TBC1D12: variants seen among roughly 807,000 people sequenced by gnomAD.
TBC1D12 encodes TBC1 domain family, member 12.
TBC1D12 carries 56 observed loss-of-function variants against 86.7 expected under a neutral mutation model. The observed-to-expected ratio is 0.65, with a 90% CI of 0.52 to 0.81. The LOEUF is 0.81. TBC1D12 is among the 30% of genes least tolerant of loss of function. The probability of loss-of-function intolerance (pLI) is 0.00; values close to 1 mark genes in which losing one functional copy is unlikely to be tolerated. For missense variants in TBC1D12, 1,023 were observed against 1,038.8 expected (o/e 0.98, Z 0.21); for synonymous variants, 421 against 411.7 (o/e 1.02, Z -0.27).
chr10:94,515,483 G>A (rs2056580403), intron 9 of TBC1D12, among the ~76,000 whole-genome samples: 1 of 151,846 alleles, frequency 6.6e-6, no homozygotes, highest in Non-Finnish European at 1.5e-5. Context: ...AAGTAGCTGG[G>A]ATTACAGGCG....
chr10:94,434,882 C>G (rs780783456), intron 1 of TBC1D12, among the ~76,000 whole-genome samples: 1 of 152,098 alleles, frequency 6.6e-6, no homozygotes, highest in Non-Finnish European at 1.5e-5. Context: ...GAGAGTGGAA[C>G]CCTTATGACC....
chr10:94,518,782 A>G (rs1247466776), intron 9 of TBC1D12, among the ~76,000 whole-genome samples: 1 of 152,250 alleles, frequency 6.6e-6, no homozygotes, highest in African/African-American at 2.4e-5. Context: ...AAAAATATGC[A>G]TAATATTCCG....
intron 9 of TBC1D12, among the ~76,000 whole-genome samples, chr10:94,514,863 G>A (rs1022679493): frequency 6.9e-6 from 1 of 145,686 alleles, no homozygotes; most frequent in African/African-American, 2.5e-5. Flanking sequence ...TATAATAGCT[G>A]TACTAATTTA....
At chr10:94,530,651 C>T (rs1842397794) in intron 11 of TBC1D12, among the ~76,000 whole-genome samples, 1 of 152,078 alleles carries the variant, frequency 6.6e-6, no homozygotes, top group East Asian at 1.9e-4. Flanking sequence ...AGACAACTAT[C>T]CTGCTCAAGG....
chr10:94,493,502 T>C, intron 4 of TBC1D12, 55 bp downstream of exon 4: 2 of 1,234,960 alleles, frequency 1.6e-6, no homozygotes, highest in East Asian at 4.6e-5. Context: ...AGAAGATGGA[T>C]GGTAAAATTC....
intron 5 of TBC1D12, 115 bp downstream of exon 5, chr10:94,497,287 G>A (rs530044429): frequency 7.1e-5 from 35 of 490,724 alleles, no homozygotes; most frequent in African/African-American, 6.6e-4. Flanking sequence ...TGTGCACAAT[G>A]TGCAGGTTAG....
At position 94,522,022 on chromosome 10, in the gene TBC1D12, CA is replaced by C; in HGVS notation, c.1830del (p.Phe611LeufsTer5). The C allele has an allele frequency of 6.2e-7, 1 of 1,612,834 alleles. No homozygotes were observed. The highest frequency in any genetic ancestry group is 1.1e-5 in the South Asian group (1 of 90,880). On this transcript the variant is annotated frameshift_variant, in exon 10 of 13. Coordinates refer to ENST00000225235, the MANE Select transcript of TBC1D12 (RefSeq NM_015188.2). LOFTEE classifies it high-confidence loss of function. ...TTGGAAGAGGCAGATGCCTTTATCG[CA>C]TTTGCCAATCTCCTGAATAAGCCAT... The part of the protein sequence containing the change: ...LNLEEADAFI[A>X]FANLLNKPCQ...
At chr10:94,431,569 T>C (rs1027851818) in intron 1 of TBC1D12, among the ~76,000 whole-genome samples, 1 of 152,202 alleles carries the variant, frequency 6.6e-6, no homozygotes, top group Admixed American at 6.5e-5. Flanking sequence ...CATTCAAGTT[T>C]GGGCTCAATA....
chr10:94,417,002 G>C (rs1308333835), intron 1 of TBC1D12, among the ~76,000 whole-genome samples: 3 of 152,158 alleles, frequency 2.0e-5, no homozygotes, highest in Non-Finnish European at 4.4e-5. Context: ...AAATTATGGG[G>C]GAGCTAAATT....
At chr10:94,486,136 C>CTTTTTTTTTTTTTTTTTTTTTTTTTTT (rs760373766) in intron 3 of TBC1D12, among the ~76,000 whole-genome samples, 7 of 120,874 alleles carry the variant, frequency 5.8e-5, no homozygotes, top group Non-Finnish European at 8.5e-5. Flanking sequence ...TCTTCTTCTT[C>CTTTTTTTTTTTTTTTTTTTTTTTTTTT]TTCTTTTTTT....
At chr10:94,482,472 C>T (rs1478070374) in intron 3 of TBC1D12, among the ~76,000 whole-genome samples, 2 of 150,524 alleles carry the variant, frequency 1.3e-5, no homozygotes, top group Admixed American at 6.6e-5. Context: ...TTTTTTGAGA[C>T]GGAGTTTTGC....
Position 94,434,504 on chromosome 10 carries a change from TAAAAAAA to T in TBC1D12, c.972-7382_972-7376del, listed in dbSNP as rs78126071. Among the ~76,000 whole-genome samples, 134 of 135,354 alleles carry T rather than the reference TAAAAAAA, an allele frequency of 9.9e-4. 1 individual carries two copies. The highest frequency in any genetic ancestry group is 2.9e-3 in the African/African-American group (107 of 36,948). The allele number at this position is 135,354 out of a possible 152,430, so 88.8% of individuals were successfully genotyped here. On this transcript the variant is annotated intron_variant, in intron 1 of 12. Coordinates refer to ENST00000225235, the MANE Select transcript of TBC1D12 (RefSeq NM_015188.2). ...CTGGACGACACAGCAAGACTCCATT[TAAAAAAA>T]AAAAAAAAAGAAAAAGAAAATCTTT...
Position 94,523,671 on chromosome 10 carries a change from TA to T in TBC1D12, c.2000+1227del, listed in dbSNP as rs112409985. 4.8e-3 allele frequency among the ~76,000 whole-genome samples: 722 copies of T among 151,198 alleles called. 6 individuals are homozygous for T. The highest frequency in any genetic ancestry group is 0.017 in the African/African-American group (689 of 41,270). ...TTTATTTCCTAGATTTTCTCTAGCT[TA>T]AAAAAAAAGGCCAAGTGCAGTGGCT... On this transcript the variant is annotated intron_variant, in intron 11 of 12. Transcript: ENST00000225235.
chr10:94,447,655 C>T, intron 2 of TBC1D12: 7 of 984,870 alleles, frequency 7.1e-6, no homozygotes, highest in Non-Finnish European at 8.4e-6. Context: ...CCGCTTGTGG[C>T]CTTTTGAACC....
intron 1 of TBC1D12, among the ~76,000 whole-genome samples, chr10:94,437,731 A>G (rs376942247): frequency 4.8e-4 from 73 of 151,554 alleles, no homozygotes; most frequent in African/African-American, 1.7e-3. Context: ...TTTTCTTTCT[A>G]CTACTGAGAG....
chr10:94,451,409 C>G (rs899924754), intron 2 of TBC1D12, among the ~76,000 whole-genome samples: 5 of 152,038 alleles, frequency 3.3e-5, no homozygotes, highest in Admixed American at 6.6e-5. Flanking sequence ...TTCTGATTTG[C>G]AAACACATTG....
chr10:94,421,230 G>T (rs994549188), intron 1 of TBC1D12, among the ~76,000 whole-genome samples: 2 of 151,886 alleles, frequency 1.3e-5, no homozygotes, highest in African/African-American at 2.4e-5. Flanking sequence ...ACTCTCTACT[G>T]CTATTAGTCT....
chr10:94,425,763 G>T (rs1374127357), intron 1 of TBC1D12, among the ~76,000 whole-genome samples: 1 of 152,174 alleles, frequency 6.6e-6, no homozygotes, highest in Non-Finnish European at 1.5e-5. Context: ...AACTTAGGGA[G>T]CATTGACATC....
chr10:94,504,018 A>G (rs1370983186), intron 6 of TBC1D12, among the ~76,000 whole-genome samples: 1 of 152,226 alleles, frequency 6.6e-6, no homozygotes, highest in Non-Finnish European at 1.5e-5. Flanking sequence ...TAGATTTTAT[A>G]TGACTTAACT....
Sources: gnomAD v4.1 joint callset for allele counts (sites outside exome capture counted in the v4.1 genomes callset) on GRCh38, gnomAD v4.1.1 for gene constraint, MANE v1.5 for transcripts, NCBI Gene and HGNC (gene_info 2026-07-23, HGNC 2026-07-21) for gene names.